The following CNTNAP2 variants were observed in gnomAD, a reference collection of about 807,000 sequenced individuals.
CNTNAP2 encodes contactin associated protein 2.
Under a neutral mutation model 155.2 loss-of-function variants are expected in CNTNAP2, and 98 were observed. The observed-to-expected ratio is 0.63, with a 90% CI of 0.54 to 0.75. CNTNAP2 has a LOEUF of 0.75. Among genes scored for constraint, CNTNAP2 ranks in the 30% least tolerant of loss-of-function variants. The pLI, the probability that CNTNAP2 is intolerant of heterozygous loss-of-function variation, is 0.00. For synonymous variants in CNTNAP2, 651 were observed against 631.2 expected (o/e 1.03, Z -0.47); for missense variants, 1,727 against 1,688.1 (o/e 1.02, Z -0.40).
chr7:146,380,784 C>CT lies in CNTNAP2; in HGVS notation c.97+263844dup, dbSNP rs56886106. On this transcript the variant is annotated intron_variant, in intron 1 of 23. Coordinates refer to ENST00000361727, the MANE Select transcript of CNTNAP2 (RefSeq NM_014141.6). ...ATATTTCTTGCTTCTTATGCACGTT[C>CT]TTTTTTTTTTTTTTTTTTTTTTTTT... Among the ~76,000 whole-genome samples the CT allele has an allele frequency of 2.6e-3, 100 of 38,824 alleles. 8 individuals carry two copies. The highest frequency in any genetic ancestry group is 3.3e-3 in the Admixed American group (6 of 1,824). The allele number at this position is 38,824 out of a possible 152,430, so 25.5% of individuals were successfully genotyped here.
intron 15 of CNTNAP2, among the ~76,000 whole-genome samples, chr7:148,025,728 C>A (rs1304686251): frequency 6.6e-6 from 1 of 152,206 alleles, no homozygotes; most frequent in Non-Finnish European, 1.5e-5. Context: ...CTTACTCTTT[C>A]TGTAATAACT....
intron 18 of CNTNAP2, among the ~76,000 whole-genome samples, chr7:148,212,245 C>G (rs753706027): frequency 9.2e-5 from 14 of 151,550 alleles, no homozygotes; most frequent in Non-Finnish European, 1.5e-4. Context: ...GATTTTATGT[C>G]AAACATCTGC....
intron 21 of CNTNAP2, among the ~76,000 whole-genome samples, chr7:148,289,567 A>C (rs1797153551): frequency 1.2e-5 from 1 of 84,134 alleles, no homozygotes; most frequent in Non-Finnish European, 2.2e-5. Context: ...AAATGAATAC[A>C]CACACACTCA....
At chr7:146,213,947 T>A (rs1799075975) in intron 1 of CNTNAP2, among the ~76,000 whole-genome samples, 1 of 152,194 alleles carries the variant, frequency 6.6e-6, no homozygotes, top group African/African-American at 2.4e-5. Context: ...TAAATTTCCT[T>A]TTTAAATTTG....
chr7:146,852,048 C>A (rs1223886070), intron 3 of CNTNAP2, among the ~76,000 whole-genome samples: 1 of 152,000 alleles, frequency 6.6e-6, no homozygotes, highest in African/African-American at 2.4e-5. Context: ...ATCCACTTTA[C>A]TCTGGTATGA....
intron 13 of CNTNAP2, among the ~76,000 whole-genome samples, chr7:147,743,835 A>G (rs1796995661): frequency 1.3e-5 from 2 of 151,478 alleles, no homozygotes; most frequent in Non-Finnish European, 2.9e-5. Context: ...GCTTCTCCCC[A>G]CTGTCTCCTC....
chr7:146,876,141 T>C (rs1049384686), intron 3 of CNTNAP2, among the ~76,000 whole-genome samples: 1 of 151,872 alleles, frequency 6.6e-6, no homozygotes, highest in African/African-American at 2.4e-5. Context: ...AATAATTAAA[T>C]CAGTCAGGAC....
intron 3 of CNTNAP2, among the ~76,000 whole-genome samples, chr7:146,871,354 A>T (rs984815255): frequency 6.6e-6 from 1 of 151,970 alleles, no homozygotes; most frequent in African/African-American, 2.4e-5. Context: ...AAAATGATGA[A>T]ACCCCATCTC....
chr7:146,599,743 G>GAGATAGATAGATAGATAGAT lies in CNTNAP2; in HGVS notation c.98-174507_98-174488dup, dbSNP rs60717424. Among the ~76,000 whole-genome samples the GAGATAGATAGATAGATAGAT allele has an allele frequency of 9.2e-3, 1,343 of 145,678 alleles. 13 individuals carry two copies. The highest frequency in any genetic ancestry group is 0.015 in the African/African-American group (584 of 39,004). On this transcript the variant is annotated intron_variant, in intron 1 of 23. Transcript: ENST00000361727. ...CAGAGAGCCAGAAAGACGACAGACA[G>GAGATAGATAGATAGATAGAT]AGATAGATAGATAGATAGATAGATA...
chr7:147,243,878 C>G (rs1364334353), intron 8 of CNTNAP2, among the ~76,000 whole-genome samples: 1 of 151,906 alleles, frequency 6.6e-6, no homozygotes, highest in Admixed American at 6.6e-5. Context: ...TAGTTGGCAC[C>G]AAGGACACAC....
At chr7:146,445,300 T>G (rs2129120857) in intron 1 of CNTNAP2, among the ~76,000 whole-genome samples, 1 of 152,312 alleles carries the variant, frequency 6.6e-6, no homozygotes, top group African/African-American at 2.4e-5. Context: ...ATAGATTGAG[T>G]AGCTGTTGTG....
intron 21 of CNTNAP2, among the ~76,000 whole-genome samples, chr7:148,279,434 C>T (rs1796933926): frequency 6.6e-6 from 1 of 152,142 alleles, no homozygotes; most frequent in Admixed American, 6.5e-5. Context: ...AGAGCGTTTC[C>T]CAAGGTATTG....
intron 15 of CNTNAP2, among the ~76,000 whole-genome samples, chr7:148,052,546 G>A (rs539495682): frequency 2.9e-4 from 44 of 152,194 alleles, no homozygotes; most frequent in African/African-American, 1.1e-3. Context: ...TCTTTAAAAC[G>A]TATGTAGTTC....
chr7:147,127,292 CCTT>C (rs1801260113), intron 6 of CNTNAP2, among the ~76,000 whole-genome samples: 1 of 151,664 alleles, frequency 6.6e-6, no homozygotes, highest in African/African-American at 2.4e-5. Flanking sequence ...TTTCCTTTTA[CCTT>C]CTTATATATG....
rs11453335 is a variant in CNTNAP2, at chr7:148,323,431, CT to C, written c.3475+56316del. Among the ~76,000 whole-genome samples the C allele has an allele frequency of 7.1e-4, 97 of 137,118 alleles. 1 individual carries two copies. The highest frequency in any genetic ancestry group is 1.4e-3 in the African/African-American group (53 of 37,270). 90.0% of individuals were successfully genotyped at this position (137,118 alleles called of 152,430 possible). The stretch of plus-strand genomic sequence containing the variant: ...GTGCATGATTCTAAGAGGTAGTACA[CT>C]TTTTTTTTTTAATTGTTTGCCTCAT... On this transcript the variant is annotated intron_variant, in intron 21 of 23. Coordinates refer to ENST00000361727, the MANE Select transcript of CNTNAP2 (RefSeq NM_014141.6).
At chr7:147,010,435 CTT>C (rs1307783891) in intron 3 of CNTNAP2, among the ~76,000 whole-genome samples, 5 of 150,912 alleles carry the variant, frequency 3.3e-5, no homozygotes, top group Admixed American at 1.3e-4. Flanking sequence ...AAAATGATGA[CTT>C]TTGGGGCTGA....
intron 3 of CNTNAP2, among the ~76,000 whole-genome samples, chr7:147,030,778 A>G (rs990460240): frequency 3.3e-5 from 5 of 152,164 alleles, no homozygotes; most frequent in African/African-American, 1.2e-4. Context: ...TAGCACTTTA[A>G]GAGGCCAAGG....
intron 10 of CNTNAP2, among the ~76,000 whole-genome samples, chr7:147,447,217 T>G (rs959105088): frequency 6.6e-6 from 1 of 152,178 alleles, no homozygotes; most frequent in African/African-American, 2.4e-5. Flanking sequence ...AGAGAATGCA[T>G]GCGTAAATAG....
intron 15 of CNTNAP2, among the ~76,000 whole-genome samples, chr7:148,073,432 T>G (rs1254451703): frequency 6.6e-6 from 1 of 152,226 alleles, no homozygotes; most frequent in African/African-American, 2.4e-5. Context: ...CCAAGTAGTA[T>G]GATGAAATCT....
Sources: gnomAD v4.1 joint callset for allele counts (sites outside exome capture counted in the v4.1 genomes callset) on GRCh38, gnomAD v4.1.1 for gene constraint, MANE v1.5 for transcripts, NCBI Gene and HGNC (gene_info 2026-07-23, HGNC 2026-07-21) for gene names.